The following SMYD3 variants were observed in gnomAD, a reference collection of about 807,000 sequenced individuals.
The protein encoded by SMYD3 is SET and MYND domain containing 3, also known as histone-lysine N-methyltransferase SMYD3.
Under a neutral mutation model 57.7 loss-of-function variants are expected in SMYD3, and 36 were observed. The observed-to-expected ratio is 0.62, with a 90% CI of 0.48 to 0.82. The LOEUF is 0.82. SMYD3 is among the 40% of genes least tolerant of loss of function. The probability of loss-of-function intolerance (pLI) is 0.00; values close to 1 mark genes in which losing one functional copy is unlikely to be tolerated. For missense variants in SMYD3, 515 were observed against 538.8 expected (o/e 0.96, Z 0.44); for synonymous variants, 211 against 195.0 (o/e 1.08, Z -0.68).
intron 5 of SMYD3, among the ~76,000 whole-genome samples, chr1:246,088,707 A>G (rs1433222794): frequency 1.3e-5 from 2 of 152,218 alleles, no homozygotes; most frequent in African/African-American, 4.8e-5. Context: ...GACATTGATT[A>G]GTGCTTATTT....
At chr1:246,336,214 A>C (rs1302723213) in intron 2 of SMYD3, among the ~76,000 whole-genome samples, 1 of 152,226 alleles carries the variant, frequency 6.6e-6, no homozygotes, top group African/African-American at 2.4e-5. Flanking sequence ...ACTAAAGGGA[A>C]GGACACTATC....
At chr1:246,354,000 C>T (rs935125673) in intron 2 of SMYD3, among the ~76,000 whole-genome samples, 3 of 151,886 alleles carry the variant, frequency 2.0e-5, no homozygotes, top group East Asian at 1.9e-4. Flanking sequence ...CTTTTTGTGT[C>T]GTCTCAAATT....
chr1:246,292,603 A>G lies in SMYD3; in HGVS notation c.531+34598T>C, dbSNP rs550551324. On this transcript the variant is annotated intron_variant, in intron 5 of 11. Coordinates refer to ENST00000490107, the MANE Select transcript of SMYD3 (RefSeq NM_001167740.2). ...ATTGCTAATAAAAATCCACTCCAAC[A>G]TACCAGTCACTCCAGCACAGCACAA... Among the ~76,000 whole-genome samples, 149 of 152,358 alleles carry G rather than the reference A, an allele frequency of 9.8e-4. 1 individual carries two copies. The highest frequency in any genetic ancestry group is 3.6e-3 in the African/African-American group (148 of 41,580).
chr1:245,883,668 C>T (rs2052918659), intron 8 of SMYD3, among the ~76,000 whole-genome samples: 1 of 152,154 alleles, frequency 6.6e-6, no homozygotes. Context: ...GCAGCCTTTA[C>T]CCATGCTGGC....
At chr1:246,121,432 CAAAAA>C (rs10646615) in intron 5 of SMYD3, among the ~76,000 whole-genome samples, 4,552 of 100,336 alleles carry the variant, frequency 0.045, 222 homozygotes, top group African/African-American at 0.16. Flanking sequence ...TTCCATTTTG[CAAAAA>C]AAAAAAAAAA....
intron 5 of SMYD3, among the ~76,000 whole-genome samples, chr1:246,083,513 G>GTGGGTCCTC: frequency 6.6e-6 from 1 of 150,422 alleles, no homozygotes; most frequent in African/African-American, 2.5e-5. Flanking sequence ...TGGTGCCGGC[G>GTGGGTCCTC]CGGGTCCCCT....
chr1:245,762,912 C>T lies in SMYD3; in HGVS notation c.1185+1129G>A, dbSNP rs113771043. ...CAGAGGGTCCTGTTAAAGTGTCAAGCGCTTCCTATGATACCCGCACGCCAG... is the reference window on the plus strand; with the variant it reads ...CAGAGGGTCCTGTTAAAGTGTCAAGTGCTTCCTATGATACCCGCACGCCAG... On this transcript the variant is annotated intron_variant, in intron 11 of 11. Coordinates refer to ENST00000490107, the MANE Select transcript of SMYD3 (RefSeq NM_001167740.2). Among the ~76,000 whole-genome samples the T allele has an allele frequency of 4.2e-3, 645 of 152,246 alleles. 7 individuals are homozygous for T. Among genetic ancestry groups the T allele is most frequent in the African/African-American group, 0.015 (604 of 41,544 alleles).
chr1:246,185,483 T>C (rs1441699784), intron 5 of SMYD3, among the ~76,000 whole-genome samples: 8 of 117,920 alleles, frequency 6.8e-5, no homozygotes, highest in East Asian at 2.5e-4. Flanking sequence ...GAGACGGAGT[T>C]TTGCTCTGTC....
intron 10 of SMYD3, among the ~76,000 whole-genome samples, chr1:245,833,744 G>C (rs1192621907): frequency 1.3e-5 from 2 of 152,082 alleles, no homozygotes; most frequent in Non-Finnish European, 2.9e-5. Flanking sequence ...ACAAAGACTG[G>C]CTAGGTCCCT....
intron 5 of SMYD3, among the ~76,000 whole-genome samples, chr1:246,175,358 G>C (rs1022770485): frequency 6.6e-6 from 1 of 152,090 alleles, no homozygotes; most frequent in African/African-American, 2.4e-5. Context: ...CACTGGGAGA[G>C]GTTTACAATT....
chr1:246,043,877 A>G (rs1408265813), intron 5 of SMYD3, among the ~76,000 whole-genome samples: 1 of 152,128 alleles, frequency 6.6e-6, no homozygotes, highest in Admixed American at 6.5e-5. Context: ...CTGGCTACAG[A>G]GAGTGGACTG....
intron 1 of SMYD3, among the ~76,000 whole-genome samples, chr1:246,453,971 A>C (rs1347179181): frequency 6.6e-6 from 1 of 152,212 alleles, no homozygotes; most frequent in Non-Finnish European, 1.5e-5. Flanking sequence ...GTCGGCTCCT[A>C]TTCCACTTTA....
intron 1 of SMYD3, among the ~76,000 whole-genome samples, chr1:246,497,115 T>A (rs1375002053): frequency 6.6e-6 from 1 of 152,212 alleles, no homozygotes; most frequent in East Asian, 1.9e-4. Flanking sequence ...AAAACTCATT[T>A]ACACAGAATC....
chr1:246,143,332 T>G (rs545089928), intron 5 of SMYD3, among the ~76,000 whole-genome samples: 3 of 152,302 alleles, frequency 2.0e-5, no homozygotes, highest in Admixed American at 6.5e-5. Context: ...CAGTCTTGGG[T>G]ATACAATAGG....
At chr1:246,124,348 A>T (rs369503012) in intron 5 of SMYD3, among the ~76,000 whole-genome samples, 2 of 151,938 alleles carry the variant, frequency 1.3e-5, no homozygotes, top group East Asian at 3.9e-4. Context: ...AATGAATAAA[A>T]AAAGAAAGAA....
At chr1:245,978,563 C>T (rs1388934042) in intron 5 of SMYD3, among the ~76,000 whole-genome samples, 3 of 151,938 alleles carry the variant, frequency 2.0e-5, no homozygotes, top group African/African-American at 2.4e-5. Flanking sequence ...AAAATAAGTG[C>T]GGGAGGGCGG....
At chr1:245,977,983 C>T (rs544846239) in intron 5 of SMYD3, among the ~76,000 whole-genome samples, 1 of 152,276 alleles carries the variant, frequency 6.6e-6, no homozygotes, top group Non-Finnish European at 1.5e-5. Context: ...GGAGGCTAAG[C>T]CCCTCCCTCC....
chr1:246,227,303 C>G (rs2333996), intron 5 of SMYD3, among the ~76,000 whole-genome samples: 40,585 of 152,054 alleles, frequency 0.27, 6,120 homozygotes, highest in East Asian at 0.58. Flanking sequence ...TGCACTGGGG[C>G]GCCCTCAGGA....
At chr1:246,314,195 TAC>T (rs2065122164) in intron 5 of SMYD3, among the ~76,000 whole-genome samples, 2 of 152,350 alleles carry the variant, frequency 1.3e-5, no homozygotes, top group African/African-American at 4.8e-5. Context: ...TTAAATAATT[TAC>T]AGTTTTGCCT....
Sources: gnomAD v4.1 joint callset for allele counts (sites outside exome capture counted in the v4.1 genomes callset) on GRCh38, gnomAD v4.1.1 for gene constraint, MANE v1.5 for transcripts, NCBI Gene and HGNC (gene_info 2026-07-23, HGNC 2026-07-21) for gene names.